PIK3CB: variants seen among roughly 807,000 people sequenced by gnomAD.
The protein encoded by PIK3CB is phosphatidylinositol 4,5-bisphosphate 3-kinase catalytic subunit beta isoform.
A neutral mutation model predicts 136.8 loss-of-function variants in PIK3CB; 39 were observed. That is an observed-to-expected ratio of 0.29 (90% confidence interval 0.22 to 0.37). The LOEUF is 0.37. Ranked by LOEUF, PIK3CB falls within the 10% of genes least tolerant of loss-of-function variation. The pLI, the probability that PIK3CB is intolerant of heterozygous loss-of-function variation, is 1.00. For synonymous variants in PIK3CB, 428 were observed against 436.6 expected, an observed-to-expected ratio of 0.98 and a Z score of 0.25; for missense variants, 868 against 1,275.4, an observed-to-expected ratio of 0.68 and a Z score of 4.87.
intron 3 of PIK3CB, 102 bp from the exon 4 acceptor site, chr3:138,756,081 T>A: frequency 2.0e-6 from 1 of 504,678 alleles, no homozygotes. Flanking sequence ...AATAAAAAAC[T>A]ATGAACAAAT....
At chr3:138,748,075 G>C (rs1054360151) in intron 4 of PIK3CB, among the ~76,000 whole-genome samples, 3 of 150,746 alleles carry the variant, frequency 2.0e-5, no homozygotes. Flanking sequence ...AGAGAAAAAG[G>C]CATTCTAGTA....
chr3:138,775,327 TG>T (rs1170079717), intron 2 of PIK3CB, among the ~76,000 whole-genome samples: 1 of 152,206 alleles, frequency 6.6e-6, no homozygotes, highest in Admixed American at 6.5e-5. Flanking sequence ...GTACTTATTC[TG>T]TTTAAGATAC....
At chr3:138,790,075 G>A (rs952819327) in intron 2 of PIK3CB, among the ~76,000 whole-genome samples, 9 of 152,128 alleles carry the variant, frequency 5.9e-5, no homozygotes, top group Non-Finnish European at 2.9e-5. Flanking sequence ...TAATAAGTCA[G>A]AAACAAAAAG....
Position 138,655,135 on chromosome 3 carries a change from C to T in PIK3CB, c.*254G>A, listed in dbSNP as rs1361576756. ...AACAATCCCTAGTAGCATTCCTTGG[C>T]GTGCAAAGTCAGCAGGAAATGATTA... On this transcript the variant is annotated 3_prime_UTR_variant, in exon 24 of 24. Coordinates refer to ENST00000674063, the MANE Select transcript of PIK3CB (RefSeq NM_006219.3). The T allele has an allele frequency of 1.1e-5, 5 of 439,258 alleles. No homozygotes were observed. The highest frequency in any genetic ancestry group is 4.0e-5 in the African/African-American group (2 of 49,810). 27.2% of individuals were successfully genotyped at this position (439,258 alleles called of 1,614,324 possible). A position where few individuals can be genotyped will look rare whatever the true frequency, so the allele number is the denominator to read the frequency against.
chr3:138,785,209 G>A (rs1269698593), intron 2 of PIK3CB, among the ~76,000 whole-genome samples: 23 of 150,996 alleles, frequency 1.5e-4, no homozygotes, highest in African/African-American at 2.9e-4. Flanking sequence ...GCCCCCGCCC[G>A]GCCAGCCGCC....
chr3:138,670,216 C>T (rs1462111115), intron 19 of PIK3CB, among the ~76,000 whole-genome samples: 1 of 152,110 alleles, frequency 6.6e-6, no homozygotes, highest in Non-Finnish European at 1.5e-5. Context: ...GAGAGAATAA[C>T]TTGGTTGGGG....
chr3:138,738,547 T>G (rs2045165417), intron 5 of PIK3CB, among the ~76,000 whole-genome samples: 1 of 122,320 alleles, frequency 8.2e-6, no homozygotes, highest in Non-Finnish European at 1.8e-5. Context: ...CAGCCATACT[T>G]TATACGAATT....
chr3:138,812,234 G>A (rs1933102665), intron 1 of PIK3CB, among the ~76,000 whole-genome samples: 1 of 141,454 alleles, frequency 7.1e-6, no homozygotes, highest in African/African-American at 2.6e-5. Context: ...AAGGTAGAAT[G>A]AGAGGTTTTT....
chr3:138,777,893 T>C (rs986216330), intron 2 of PIK3CB: 2 of 256,466 alleles, frequency 7.8e-6, no homozygotes, highest in Non-Finnish European at 1.6e-5. Flanking sequence ...AGGCTGCTTT[T>C]AACTCTGGCG....
At chr3:138,807,370 G>A (rs1343429659) in intron 1 of PIK3CB, among the ~76,000 whole-genome samples, 1 of 152,082 alleles carries the variant, frequency 6.6e-6, no homozygotes, top group African/African-American at 2.4e-5. Context: ...GGAGGTGGAG[G>A]TTGCAGTGAG....
At chr3:138,724,171 T>C (rs2044789254) in intron 8 of PIK3CB, among the ~76,000 whole-genome samples, 1 of 152,184 alleles carries the variant, frequency 6.6e-6, no homozygotes, top group Non-Finnish European at 1.5e-5. Context: ...TATTTGTACT[T>C]GTGATCAATC....
intron 8 of PIK3CB, among the ~76,000 whole-genome samples, chr3:138,725,143 C>T (rs2044809922): frequency 6.6e-6 from 1 of 151,972 alleles, no homozygotes; most frequent in South Asian, 2.1e-4. Flanking sequence ...CACTTCTATG[C>T]AATATATGCA....
chr3:138,807,704 G>C (rs144842563), intron 1 of PIK3CB, among the ~76,000 whole-genome samples: 8 of 152,164 alleles, frequency 5.3e-5, no homozygotes, highest in African/African-American at 1.9e-4. Flanking sequence ...ACCAACCTGG[G>C]CAACATGACA....
In PIK3CB at chr3:138,812,252, T is replaced by TG. The variant is rs1553743403; in HGVS notation, c.-121-15686dup. On this transcript the variant is annotated intron_variant, in intron 1 of 23. Transcript: ENST00000674063. The stretch of plus-strand genomic sequence containing the variant: ...GTAGAATGAGAGGTTTTTTTTTTTT[T>TG]GGGGGGACAGAGTCTCGCTGTCACC... Among the ~76,000 whole-genome samples the TG allele has an allele frequency of 7.5e-3, 1,130 of 150,938 alleles. 9 individuals carry two copies. Among genetic ancestry groups the TG allele is most frequent in the Non-Finnish European group, 0.011 (740 of 67,692 alleles).
intron 2 of PIK3CB, among the ~76,000 whole-genome samples, chr3:138,771,836 C>T (rs1360414927): frequency 6.6e-6 from 1 of 150,670 alleles, no homozygotes; most frequent in African/African-American, 2.4e-5. Flanking sequence ...GGATCTCTTT[C>T]TCTTGAGCAC....
rs756981384 is a variant in PIK3CB at position 138,657,866 on chromosome 3, AT to A, written c.2797-32del. 9 of 1,596,916 alleles carry A rather than the reference AT, an allele frequency of 5.6e-6. No homozygotes were observed. In the South Asian group the frequency reaches 1.0e-4, roughly 18 times the overall value. The stretch of plus-strand genomic sequence containing the variant: ...AAACAAATGGGATTTAATTTCCTTC[AT>A]TTTTCTGGTGGGTTCCAAATATAAA... On this transcript the variant is annotated intron_variant, in intron 21 of 23. Transcript: ENST00000674063.
rs2043188721 is a variant in PIK3CB, at chr3:138,656,211, A to C, written c.3006T>G (p.Thr1002=). Residue 1002 remains threonine, a synonymous_variant, in exon 23 of 24, where the codon ACT becomes ACG. Coordinates refer to ENST00000674063, the MANE Select transcript of PIK3CB (RefSeq NM_006219.3). ...CTGCAGTCAACATCAGCGCAAAGAG[A>C]GTGATGAAGAGATTCCCATGCCGTC... ...ILRRHGNLFI[T]LFALMLTAGL... The C allele has an allele frequency of 6.2e-7, 1 of 1,614,110 alleles. No individual in the cohort carries two copies.
Position 138,740,869 on chromosome 3 carries a change from C to T in PIK3CB, c.621+1689G>A, listed in dbSNP as rs115640059. 8.8e-3 allele frequency among the ~76,000 whole-genome samples: 1,332 copies of T among 152,116 alleles called. 20 individuals are homozygous for T. The highest frequency in any genetic ancestry group is 0.029 in the African/African-American group (1,208 of 41,500). On this transcript the variant is annotated intron_variant, in intron 5 of 23. Transcript: ENST00000674063. Reference sequence around the variant, plus strand: ...ATGTTGCCCAACCTGGTCTTGAACTCCTGGGTTCAAGAGATCCTCCCTGTT... The same window carrying T: ...ATGTTGCCCAACCTGGTCTTGAACTTCTGGGTTCAAGAGATCCTCCCTGTT...
chr3:138,693,981 T>TATATATAC (rs2044079807), intron 14 of PIK3CB, among the ~76,000 whole-genome samples: 1 of 104,728 alleles, frequency 9.5e-6, no homozygotes. Context: ...TATATATATA[T>TATATATAC]ATATATATAT....
Sources: gnomAD v4.1 joint callset for allele counts (sites outside exome capture counted in the v4.1 genomes callset) on GRCh38, gnomAD v4.1.1 for gene constraint, MANE v1.5 for transcripts, NCBI Gene and HGNC (gene_info 2026-07-23, HGNC 2026-07-21) for gene names.